Variants in STAB2 observed in about 807,000 individuals in gnomAD.
STAB2 encodes stabilin-2.
Under a neutral mutation model 338.1 loss-of-function variants are expected in STAB2, and 288 were observed. The observed-to-expected ratio is 0.85, with a 90% CI of 0.77 to 0.94. The LOEUF (loss-of-function observed/expected upper bound fraction) is 0.94, where lower values mean the gene tolerates loss of function less well. Ranked by LOEUF, STAB2 falls within the 40% of genes least tolerant of loss-of-function variation. The pLI, the probability that STAB2 is intolerant of heterozygous loss-of-function variation, is 0.00. For synonymous variants in STAB2, 1,202 were observed against 1,193.3 expected, an observed-to-expected ratio of 1.01 and a Z score of -0.15; for missense variants, 3,141 against 3,210.1, an observed-to-expected ratio of 0.98 and a Z score of 0.52.
intron 22 of STAB2, 59 bp downstream of exon 22, chr12:103,670,866 A>ACCAGCACCCT: frequency 7.0e-7 from 1 of 1,437,668 alleles, no homozygotes; most frequent in Non-Finnish European, 9.7e-7. Flanking sequence ...CTCGTGCTGC[A>ACCAGCACCCT]GCAGGGTGCT....
intron 18 of STAB2, among the ~76,000 whole-genome samples, chr12:103,664,380 G>C (rs143642246): frequency 0.015 from 2,260 of 152,258 alleles, 70 homozygotes; most frequent in African/African-American, 0.052. Flanking sequence ...TCCTGACCTC[G>C]TGATCTGCCC....
chr12:103,621,773 T>C (rs1350726628), intron 4 of STAB2, among the ~76,000 whole-genome samples: 1 of 152,158 alleles, frequency 6.6e-6, no homozygotes, highest in African/African-American at 2.4e-5. Flanking sequence ...TTGGGCAAAG[T>C]TGGGATATGG....
chr12:103,741,055 G>A (rs1166331225), intron 55 of STAB2, among the ~76,000 whole-genome samples: 1 of 152,038 alleles, frequency 6.6e-6, no homozygotes, highest in Non-Finnish European at 1.5e-5. Context: ...TTGATGCTGT[G>A]CAACATGATT....
intron 12 of STAB2, among the ~76,000 whole-genome samples, chr12:103,653,747 A>ATGGATGGATGG (rs1458193151): frequency 1.5e-3 from 34 of 22,778 alleles, no homozygotes; most frequent in East Asian, 2.3e-3. Flanking sequence ...TGGATGGATG[A>ATGGATGGATGG]ATGGATGGAT....
chr12:103,667,690 G>GT (rs1741365631), intron 19 of STAB2, among the ~76,000 whole-genome samples: 1 of 152,156 alleles, frequency 6.6e-6, no homozygotes, highest in Non-Finnish European at 1.5e-5. Context: ...AGTGACCTCA[G>GT]AATTCCTTCA....
At chr12:103,593,952 A>T (rs1190726432) in intron 2 of STAB2, among the ~76,000 whole-genome samples, 1 of 152,228 alleles carries the variant, frequency 6.6e-6, no homozygotes, top group Non-Finnish European at 1.5e-5. Flanking sequence ...TGCCACAGGC[A>T]TTTCTACATC....
Position 103,699,121 on chromosome 12 carries a change from T to A in STAB2, c.3608T>A (p.Val1203Glu), listed in dbSNP as rs754019561. 6.2e-6 allele frequency: 10 copies of A among 1,611,166 alleles called. No individual in the cohort carries two copies. The highest frequency in any genetic ancestry group is 1.3e-5 in the African/African-American group (1 of 74,888). ...SLEEDVLRYH[V>E]VLEEKLLKND... ...GAGGAGGACGTCCTCCGGTATCATG[T>A]GGTCCTGGAGGAGAAACTCCTGAAG... The change falls in exon 34 of 69, where the codon GTG becomes GAG. Residue 1203 changes from valine to glutamate, a missense_variant. Coordinates refer to ENST00000388887, the MANE Select transcript of STAB2 (RefSeq NM_017564.10).
Position 103,727,110 on chromosome 12 carries a change from G to A in STAB2, c.4852-157G>A, listed in dbSNP as rs193005962. On this transcript the variant is annotated intron_variant, in intron 46 of 68. Coordinates refer to ENST00000388887, the MANE Select transcript of STAB2 (RefSeq NM_017564.10). Reference sequence around the variant, plus strand: ...GAAAACCACACACAATTTCAACGACGGAGAATCTGGGTTTCATTTGAATCC... The same window carrying A: ...GAAAACCACACACAATTTCAACGACAGAGAATCTGGGTTTCATTTGAATCC... Among the ~76,000 whole-genome samples the A allele has an allele frequency of 3.2e-4, 48 of 152,238 alleles. No homozygotes were observed. In the South Asian group the frequency reaches 7.5e-3, roughly 24 times the overall value.
intron 26 of STAB2, 114 bp from the exon 27 acceptor site, chr12:103,684,875 T>C: frequency 3.3e-6 from 3 of 919,024 alleles, no homozygotes; most frequent in Non-Finnish European, 3.4e-6. Context: ...TTCTACCATC[T>C]TTCAGCCCCA....
chr12:103,682,611 C>A (rs1418498688), intron 25 of STAB2, among the ~76,000 whole-genome samples: 2 of 151,990 alleles, frequency 1.3e-5, no homozygotes, highest in Non-Finnish European at 2.9e-5. Flanking sequence ...TTTTAGGGCC[C>A]AAGTTCTCTC....
intron 42 of STAB2, 22 bp downstream of exon 42, chr12:103,713,790 A>T: frequency 6.2e-7 from 1 of 1,612,522 alleles, no homozygotes; most frequent in Non-Finnish European, 8.5e-7. Context: ...TCCCTCTTCC[A>T]TCGGCGAAAT....
In STAB2 at chr12:103,587,298, T is replaced by A; in HGVS notation, c.-179T>A. On this transcript the variant is annotated 5_prime_UTR_variant, in exon 1 of 69. Transcript: ENST00000388887. ...ACCAAGACTCCTGGATTTGCCATTTTTCCTTTCTGAAGGCAGGTCTCACCT... is the reference window on the plus strand; with the variant it reads ...ACCAAGACTCCTGGATTTGCCATTTATCCTTTCTGAAGGCAGGTCTCACCT... 1 of 604,662 alleles carries A rather than the reference T, an allele frequency of 1.7e-6. No individual in the cohort carries two copies. Among genetic ancestry groups the A allele is most frequent in the Non-Finnish European group, 2.9e-6 (1 of 345,192 alleles). 37.5% of individuals were successfully genotyped at this position (604,662 alleles called of 1,614,324 possible). A position where few individuals can be genotyped will look rare whatever the true frequency, so the allele number is the denominator to read the frequency against.
chr12:103,591,150 G>A lies in STAB2; in HGVS notation c.215+120G>A, dbSNP rs116932915. 7,054 of 1,333,332 alleles carry A rather than the reference G, an allele frequency of 5.3e-3. 33 individuals are homozygous for A. The highest frequency in any genetic ancestry group is 5.5e-3 in the Non-Finnish European group (5,244 of 955,852). The allele number at this position is 1,333,332 out of a possible 1,614,324, so 82.6% of individuals were successfully genotyped here. A position where few individuals can be genotyped will look rare whatever the true frequency, so the allele number is the denominator to read the frequency against. ...CTCTAAGACAATAAGCCCAAACTTA[G>A]GTAACTCACAATTTATGAACTTAAG... On this transcript the variant is annotated intron_variant, in intron 2 of 68. Coordinates refer to ENST00000388887, the MANE Select transcript of STAB2 (RefSeq NM_017564.10).
At chr12:103,654,966 C>G in intron 13 of STAB2, 1 of 547,122 alleles carries the variant, frequency 1.8e-6, no homozygotes, top group Non-Finnish European at 3.1e-6. Flanking sequence ...CAGTCCATGA[C>G]CAATCATCAT....
In STAB2 at chr12:103,759,007, G is replaced by A. The variant is rs1884342543; in HGVS notation, c.7108-126G>A. ...GCCTAAGAAAACCTTGACATTTCCT[G>A]ATCTCCACATGGAGGCAGGAAAGCC... On this transcript the variant is annotated intron_variant, in intron 64 of 68. Coordinates refer to ENST00000388887, the MANE Select transcript of STAB2 (RefSeq NM_017564.10). The A allele has an allele frequency of 2.0e-6, 3 of 1,502,678 alleles. No homozygotes were observed. In the East Asian group the frequency reaches 6.8e-5, roughly 34 times the overall value. The allele number at this position is 1,502,678 out of a possible 1,614,324, so 93.1% of individuals were successfully genotyped here.
chr12:103,627,100 C>T (rs182186894), intron 5 of STAB2, among the ~76,000 whole-genome samples: 264 of 152,236 alleles, frequency 1.7e-3, no homozygotes, highest in African/African-American at 5.8e-3. Context: ...TCTCCTTTTA[C>T]GGATGAAGAA....
intron 3 of STAB2, among the ~76,000 whole-genome samples, chr12:103,603,038 T>G (rs1175125036): frequency 1.3e-5 from 2 of 152,136 alleles, no homozygotes; most frequent in Non-Finnish European, 2.9e-5. Flanking sequence ...AGGTCTATCA[T>G]CCATTCCAAG....
rs755307975 is a variant in STAB2 at position 103,640,213 on chromosome 12, C to A, written c.997C>A (p.His333Asn). ...TATATGTAAATCAGATAACCCGTGTCATAGGAATGCAAATTGCACCACCGT... is the reference window on the plus strand; with the variant it reads ...TATATGTAAATCAGATAACCCGTGTAATAGGAATGCAAATTGCACCACCGT... Reference protein sequence around the residue: ...TDICKSDNPCHRNANCTTVAP... With the variant: ...TDICKSDNPCNRNANCTTVAP... The change falls in exon 9 of 69, where the codon CAT (histidine) becomes AAT (asparagine). Residue 333 changes from histidine (H) to asparagine (N), a missense_variant. Transcript: ENST00000388887. The A allele has an allele frequency of 3.2e-5, 51 of 1,613,578 alleles. No homozygotes were observed. Among genetic ancestry groups the A allele is most frequent in the Non-Finnish European group, 3.6e-5 (42 of 1,179,756 alleles).
intron 59 of STAB2, among the ~76,000 whole-genome samples, chr12:103,749,390 A>C (rs1393370409): frequency 6.6e-6 from 1 of 152,242 alleles, no homozygotes; most frequent in East Asian, 1.9e-4. Context: ...AGTTAACAGT[A>C]ATGTACCAAC....
Sources: allele counts gnomAD v4.1 joint callset (sites outside exome capture counted in the v4.1 genomes callset), GRCh38; gene constraint gnomAD v4.1.1; transcripts MANE v1.5; gene names NCBI Gene and HGNC (gene_info 2026-07-23, HGNC 2026-07-21).